Variants in PCDHGA10 observed in about 807,000 individuals in gnomAD.
The protein encoded by PCDHGA10 is protocadherin gamma subfamily A, 10, also known as protocadherin gamma-A10.
A neutral mutation model predicts 59.5 loss-of-function variants in PCDHGA10; 42 were observed. That is an observed-to-expected ratio of 0.71 (90% CI 0.55 to 0.91). The LOEUF is 0.91. PCDHGA10 is among the 40% of genes least tolerant of loss of function. The pLI is 0.00. For synonymous variants in PCDHGA10, 511 were observed against 517.2 expected, an observed-to-expected ratio of 0.99 and a Z score of 0.16; for missense variants, 1,111 against 1,198.2, an observed-to-expected ratio of 0.93 and a Z score of 1.07.
intron 1 of PCDHGA10, chr5:141,430,896 G>A: frequency 6.2e-7 from 1 of 1,606,012 alleles, no homozygotes; most frequent in Admixed American, 1.7e-5. Context: ...TCTAGGGTGG[G>A]CGACATCTCC....
chr5:141,450,823 A>AT (rs1453980247), intron 1 of PCDHGA10, among the ~76,000 whole-genome samples: 4 of 133,078 alleles, frequency 3.0e-5, no homozygotes, highest in African/African-American at 1.2e-4. Context: ...TAATATTATT[A>AT]TTATTATTTT....
intron 1 of PCDHGA10, among the ~76,000 whole-genome samples, chr5:141,446,315 G>A (rs556077331): frequency 6.6e-6 from 1 of 152,188 alleles, no homozygotes; most frequent in East Asian, 1.9e-4. Context: ...TGATTCCTGG[G>A]TTTCCACATT....
intron 1 of PCDHGA10, among the ~76,000 whole-genome samples, chr5:141,460,365 A>G (rs887924740): frequency 6.6e-6 from 1 of 152,180 alleles, no homozygotes; most frequent in African/African-American, 2.4e-5. Context: ...TAGAAGTTTT[A>G]TAGTTTTACC....
chr5:141,484,994 G>A (rs1257915410), intron 1 of PCDHGA10: 4 of 610,330 alleles, frequency 6.6e-6, no homozygotes, highest in Non-Finnish European at 1.2e-5. Context: ...GGTGGTGAAA[G>A]GCAGACAAAT....
rs532216579 is a variant in PCDHGA10, at chr5:141,419,369, T to G, written c.2436+3758T>G. 631 of 1,613,750 alleles carry G rather than the reference T, an allele frequency of 3.9e-4. 5 individuals carry two copies. In the East Asian group the frequency reaches 0.013, roughly 33 times the overall value. On this transcript the variant is annotated intron_variant, in intron 1 of 3. Coordinates refer to ENST00000398610, the MANE Select transcript of PCDHGA10 (RefSeq NM_018913.3). ...CCTGGAGTCACGAACGCTGTCGTCC[T>G]ACGTGTCCGTGAGCGCGCAGAGCGG...
chr5:141,488,548 T>C (rs112676623), intron 1 of PCDHGA10, among the ~76,000 whole-genome samples: 2 of 152,318 alleles, frequency 1.3e-5, no homozygotes, highest in African/African-American at 4.8e-5. Flanking sequence ...CCATGTCAGC[T>C]GACATTGAGA....
intron 1 of PCDHGA10, among the ~76,000 whole-genome samples, chr5:141,438,458 G>A (rs1462204360): frequency 6.6e-6 from 1 of 151,538 alleles, no homozygotes. Context: ...CAATGCTTGA[G>A]TTCAATTATT....
rs2099710385 is a variant in PCDHGA10 at position 141,491,296 on chromosome 5, G to A, written c.2437-3511G>A. 6.2e-7 allele frequency: 1 copy of A among 1,614,034 alleles called. No individual in the cohort carries two copies. Among genetic ancestry groups the A allele is most frequent in the African/African-American group, 1.3e-5 (1 of 74,924 alleles). Reference sequence around the variant, plus strand: ...CAGTGACTTCCTCATACACCCTCCTGAGCGTTCAGACCTTACCCTTTACCT... The same window carrying A: ...CAGTGACTTCCTCATACACCCTCCTAAGCGTTCAGACCTTACCCTTTACCT... On this transcript the variant is annotated intron_variant, in intron 1 of 3. Transcript: ENST00000398610. The surrounding 1 kb of genome is among the most constrained non-coding windows in gnomAD (Gnocchi z 6.9).
intron 1 of PCDHGA10, among the ~76,000 whole-genome samples, chr5:141,492,421 C>G (rs986772215): frequency 5.9e-5 from 9 of 152,250 alleles, no homozygotes; most frequent in African/African-American, 1.9e-4. Context: ...CTCCCTCCGC[C>G]GGGCTCAGGA....
chr5:141,418,890 G>C (rs1449142412), intron 1 of PCDHGA10: 1 of 1,613,934 alleles, frequency 6.2e-7, no homozygotes, highest in South Asian at 1.1e-5. Context: ...AACGACAACA[G>C]CCCAGAAATA....
At chr5:141,495,193 T>G (rs1471524188) in intron 2 of PCDHGA10, among the ~76,000 whole-genome samples, 2 of 152,192 alleles carry the variant, frequency 1.3e-5, no homozygotes, top group Non-Finnish European at 2.9e-5. Flanking sequence ...TCTATGCCCA[T>G]GTACTGCCTA....
Position 141,419,399 on chromosome 5 carries a change from G to C in PCDHGA10, c.2436+3788G>C, listed in dbSNP as rs893535249. On this transcript the variant is annotated intron_variant, in intron 1 of 3. Coordinates refer to ENST00000398610, the MANE Select transcript of PCDHGA10 (RefSeq NM_018913.3). ...GTCCGTGAGCGCGCAGAGCGGGGTG[G>C]TGTTCGCGCAGCGCGCCTTCGACCA... 1.7e-5 allele frequency: 28 copies of C among 1,613,470 alleles called. No individual in the cohort carries two copies. Among genetic ancestry groups the C allele is most frequent in the Admixed American group, 1.7e-5 (1 of 60,014 alleles).
At position 141,491,660 on chromosome 5, in the gene PCDHGA10, C is replaced by G; in HGVS notation, c.2437-3147C>G. 6.2e-7 allele frequency: 1 copy of G among 1,613,810 alleles called. No individual in the cohort carries two copies. ...ACAGCTCTGGCGCTGGAGCCTGACG[C>G]CATCCGGTCCCGCTCTAATACGCTG... is the stretch of plus-strand genomic sequence containing the variant. On this transcript the variant is annotated intron_variant, in intron 1 of 3. Transcript: ENST00000398610. The surrounding 1 kb of genome is among the most constrained non-coding windows in gnomAD (Gnocchi z 6.9).
intron 1 of PCDHGA10, among the ~76,000 whole-genome samples, chr5:141,447,984 G>C (rs1300057273): frequency 6.6e-6 from 1 of 151,952 alleles, no homozygotes; most frequent in African/African-American, 2.4e-5. Context: ...TACTCGGGAG[G>C]CTGAGGCATG....
Position 141,414,724 on chromosome 5 carries a change from G to A in PCDHGA10, c.1549G>A (p.Val517Ile), listed in dbSNP as rs1461729604. The stretch of plus-strand genomic sequence containing the variant: ...CATATCCATCAACTCAGACACTGGC[G>A]TCCTGTATGCACTCAGATCCTTCGA... ...SYISINSDTG[V>I]LYALRSFDYE... Residue 517 changes from valine (V) to isoleucine (I), a missense_variant, in exon 1 of 4, where the codon GTC becomes ATC. Physicochemically the swap from Val to Ile is conservative, Grantham distance 29. Transcript: ENST00000398610. 3.0e-5 allele frequency: 48 copies of A among 1,614,138 alleles called. No individual in the cohort carries two copies. Among genetic ancestry groups the A allele is most frequent in the Non-Finnish European group, 3.9e-5 (46 of 1,180,016 alleles).
intron 1 of PCDHGA10, chr5:141,478,265 G>C: frequency 1.2e-6 from 2 of 1,614,196 alleles, no homozygotes; most frequent in Non-Finnish European, 1.7e-6. Flanking sequence ...CATATTCAAA[G>C]TTTACAAGTG....
In PCDHGA10 at chr5:141,414,236, C is replaced by T; in HGVS notation, c.1061C>T (p.Thr354Met). Residue 354 changes from threonine (T) to methionine (M), a missense_variant, in exon 1 of 4, where the codon ACG (threonine) becomes ATG (methionine). By Grantham distance (81) the Thr-to-Met change is moderately conservative (BLOSUM62 -1). Coordinates refer to ENST00000398610, the MANE Select transcript of PCDHGA10 (RefSeq NM_018913.3). ...GACAACAGTCCAGAGCTGACCATCA[C>T]GTCTCTATTTAGTCCAGTGACTGAA... ...VNDNSPELTI[T>M]SLFSPVTEDS... The T allele has an allele frequency of 6.2e-7, 1 of 1,613,456 alleles. No individual in the cohort carries two copies.
intron 1 of PCDHGA10, chr5:141,478,453 C>T: frequency 6.2e-7 from 1 of 1,613,594 alleles, no homozygotes; most frequent in Non-Finnish European, 8.5e-7. Context: ...CTGGTGCAGC[C>T]AGTCCACTGG....
chr5:141,477,835 T>G lies in PCDHGA10; in HGVS notation c.2437-16972T>G. ...CCCAGGTCCTATATCCTCGGCCAGG[T>G]GGGAGCTCGGTGGAGATGCTGCCTC... On this transcript the variant is annotated intron_variant, in intron 1 of 3. Coordinates refer to ENST00000398610, the MANE Select transcript of PCDHGA10 (RefSeq NM_018913.3). This position sits in a 1 kb window ranked among gnomAD's most constrained non-coding sequence, Gnocchi z 4.9. The G allele has an allele frequency of 6.2e-7, 1 of 1,614,090 alleles. No individual in the cohort carries two copies. Among genetic ancestry groups the G allele is most frequent in the South Asian group, 1.1e-5 (1 of 91,072 alleles).
Sources: gnomAD v4.1 joint callset for allele counts (sites outside exome capture counted in the v4.1 genomes callset) on GRCh38, gnomAD v4.1.1 for gene constraint, Gnocchi (gnomAD v3.1) non-coding constraint, MANE v1.5 for transcripts, NCBI Gene and HGNC (gene_info 2026-07-23, HGNC 2026-07-21) for gene names.